Variants in CACNA2D1 observed in about 807,000 individuals in gnomAD.
The protein encoded by CACNA2D1 is voltage-dependent calcium channel subunit alpha-2/delta-1.
CACNA2D1 carries 53 observed loss-of-function variants against 171.5 expected under a neutral mutation model. That is an observed-to-expected ratio of 0.31 (90% confidence interval 0.25 to 0.39). The LOEUF (loss-of-function observed/expected upper bound fraction) is 0.39, where lower values mean the gene tolerates loss of function less well. CACNA2D1 is among the 10% of genes least tolerant of loss of function. The pLI, the probability that CACNA2D1 is intolerant of heterozygous loss-of-function variation, is 1.00. For synonymous variants in CACNA2D1, 442 were observed against 443.1 expected (o/e 1.00, Z 0.03); for missense variants, 903 against 1,299.8 (o/e 0.69, Z 4.69).
intron 7 of CACNA2D1, among the ~76,000 whole-genome samples, chr7:82,079,111 G>C (rs1809365331): frequency 1.3e-5 from 2 of 152,140 alleles, no homozygotes; most frequent in African/African-American, 4.8e-5. Context: ...GCTAGCTCTA[G>C]AGATCTCACT....
At chr7:82,397,253 A>G (rs1245061802) in intron 1 of CACNA2D1, among the ~76,000 whole-genome samples, 1 of 152,130 alleles carries the variant, frequency 6.6e-6, no homozygotes, top group Non-Finnish European at 1.5e-5. Flanking sequence ...GTATCATTGT[A>G]TTTGTACTTA....
intron 6 of CACNA2D1, among the ~76,000 whole-genome samples, chr7:82,092,338 G>A (rs1332098645): frequency 6.6e-6 from 1 of 151,926 alleles, no homozygotes; most frequent in Non-Finnish European, 1.5e-5. Context: ...ATTATCTGAA[G>A]AAAATACAAT....
intron 18 of CACNA2D1, among the ~76,000 whole-genome samples, chr7:81,998,563 G>T (rs1245017952): frequency 2.0e-5 from 3 of 151,894 alleles, no homozygotes; most frequent in Admixed American, 2.0e-4. Context: ...ACCTAAAGAT[G>T]AAAATTTTTG....
chr7:82,134,553 A>G (rs538916656), intron 5 of CACNA2D1, among the ~76,000 whole-genome samples: 5 of 152,284 alleles, frequency 3.3e-5, no homozygotes, highest in Admixed American at 6.5e-5. Flanking sequence ...TCATAGTTTT[A>G]AGTTTTAAAT....
chr7:82,117,265 C>CA (rs1789172790), intron 5 of CACNA2D1, 92 bp from the exon 6 acceptor site: 4 of 1,245,952 alleles, frequency 3.2e-6, no homozygotes, highest in Non-Finnish European at 4.6e-6. Flanking sequence ...GCATATTTTT[C>CA]AAAAAATAAA....
At chr7:82,242,433 T>A (rs1804416084) in intron 3 of CACNA2D1, among the ~76,000 whole-genome samples, 1 of 152,090 alleles carries the variant, frequency 6.6e-6, no homozygotes, top group Non-Finnish European at 1.5e-5. Flanking sequence ...CCTGTTAAAG[T>A]CTCATATTCA....
At chr7:82,397,516 T>A (rs1825869280) in intron 1 of CACNA2D1, among the ~76,000 whole-genome samples, 1 of 152,178 alleles carries the variant, frequency 6.6e-6, no homozygotes, top group Non-Finnish European at 1.5e-5. Flanking sequence ...TTGCCTAGAA[T>A]TGAGCATTTA....
chr7:82,075,561 T>G (rs2128998135), intron 7 of CACNA2D1, among the ~76,000 whole-genome samples: 1 of 152,304 alleles, frequency 6.6e-6, no homozygotes, highest in South Asian at 2.1e-4. Context: ...ACATGTTTCT[T>G]ATTTTTGTAA....
At chr7:82,267,962 A>G (rs953478744) in intron 3 of CACNA2D1, among the ~76,000 whole-genome samples, 3 of 152,192 alleles carry the variant, frequency 2.0e-5, no homozygotes, top group Non-Finnish European at 4.4e-5. Flanking sequence ...GCACCATTGC[A>G]CTCCAGCCTG....
intron 14 of CACNA2D1, 122 bp from the exon 15 acceptor site, chr7:82,012,365 T>C (rs1799894909): frequency 3.0e-6 from 2 of 670,776 alleles, no homozygotes; most frequent in Non-Finnish European, 5.3e-6. Flanking sequence ...TTATTGACAC[T>C]GAATATATAA....
intron 1 of CACNA2D1, among the ~76,000 whole-genome samples, chr7:82,369,108 T>C (rs961461129): frequency 1.3e-5 from 2 of 152,194 alleles, no homozygotes; most frequent in Non-Finnish European, 2.9e-5. Context: ...GTTTCTTCTC[T>C]GTAAATCCCT....
At chr7:82,327,659 G>T (rs1488176979) in intron 3 of CACNA2D1, among the ~76,000 whole-genome samples, 3 of 152,098 alleles carry the variant, frequency 2.0e-5, no homozygotes, top group African/African-American at 4.8e-5. Flanking sequence ...GAGGTCTATG[G>T]CCACTCTCTG....
At chr7:82,144,406 T>A (rs553727312) in intron 4 of CACNA2D1, among the ~76,000 whole-genome samples, 5 of 152,142 alleles carry the variant, frequency 3.3e-5, no homozygotes, top group Non-Finnish European at 7.4e-5. Context: ...TGCTGATTCA[T>A]TAAGAATTCC....
chr7:81,950,377 T>G lies in CACNA2D1; in HGVS notation c.*15A>C. On this transcript the variant is annotated 3_prime_UTR_variant, in exon 39 of 39. Coordinates refer to ENST00000356860, the MANE Select transcript of CACNA2D1 (RefSeq NM_000722.4). Reference sequence around the variant, plus strand: ...GGGTCTGGAGTTTAACTATGCAGATTTGGTTTTTAGAAGGTCATAACAGGC... The same window carrying G: ...GGGTCTGGAGTTTAACTATGCAGATGTGGTTTTTAGAAGGTCATAACAGGC... 1 of 1,613,050 alleles carries G rather than the reference T, an allele frequency of 6.2e-7. No homozygotes were observed.
intron 38 of CACNA2D1, among the ~76,000 whole-genome samples, chr7:81,953,428 A>G (rs1343934420): frequency 6.6e-6 from 1 of 152,030 alleles, no homozygotes; most frequent in Non-Finnish European, 1.5e-5. Flanking sequence ...CTTCAGTAAC[A>G]CTGGCTTTCT....
intron 3 of CACNA2D1, among the ~76,000 whole-genome samples, chr7:82,275,934 A>AT (rs1809261308): frequency 6.6e-6 from 1 of 152,202 alleles, no homozygotes; most frequent in Admixed American, 6.5e-5. Context: ...CATAACGGAC[A>AT]TATCATTCCA....
chr7:82,333,296 ATT>A (rs1817606017), intron 3 of CACNA2D1, among the ~76,000 whole-genome samples: 1 of 152,186 alleles, frequency 6.6e-6, no homozygotes, highest in Non-Finnish European at 1.5e-5. Flanking sequence ...ACTCAAGATT[ATT>A]CTGAAGAAGA....
At chr7:82,068,047 G>T (rs1364806783) in intron 7 of CACNA2D1, among the ~76,000 whole-genome samples, 1 of 152,112 alleles carries the variant, frequency 6.6e-6, no homozygotes, top group East Asian at 1.9e-4. Context: ...ATGAGAAAAA[G>T]GATTTTTCTT....
chr7:81,991,125 A>ACTT, intron 21 of CACNA2D1, 60 bp downstream of exon 21: 1 of 847,512 alleles, frequency 1.2e-6, no homozygotes, highest in Non-Finnish European at 2.0e-6. Flanking sequence ...CACTTGTGAA[A>ACTT]ATGCAGACTT....
Sources: gnomAD v4.1 joint callset for allele counts (sites outside exome capture counted in the v4.1 genomes callset) on GRCh38, gnomAD v4.1.1 for gene constraint, MANE v1.5 for transcripts, NCBI Gene and HGNC (gene_info 2026-07-23, HGNC 2026-07-21) for gene names.